WDR54: variants seen among roughly 807,000 people sequenced by gnomAD.
The protein encoded by WDR54 is WD repeat domain 54, also known as WD repeat-containing protein 54.
Under a neutral mutation model 44.1 loss-of-function variants are expected in WDR54, and 44 were observed. The observed-to-expected ratio is 1.00, with a 90% confidence interval of 0.78 to 1.28. WDR54 has a LOEUF of 1.28. Ranked by LOEUF, WDR54 falls within the 50% of genes most tolerant of loss-of-function variation. WDR54 has a pLI of 0.00. For synonymous variants in WDR54, 169 were observed against 169.8 expected (o/e 1.00, Z 0.04); for missense variants, 409 against 429.7 (o/e 0.95, Z 0.43).
In WDR54 at chr2:74,425,464, C is replaced by T. The variant is rs776948739; in HGVS notation, c.846C>T (p.Ser282=). 6.2e-7 allele frequency: 1 copy of T among 1,614,194 alleles called. No homozygotes were observed. The highest frequency in any genetic ancestry group is 1.1e-5 in the South Asian group (1 of 91,086). The change falls in exon 9 of 10, where the codon AGC becomes AGT. Residue 282 remains serine (S), a synonymous_variant. Transcript: ENST00000348227. ...CCTTTGTGCATATCTGGAAGCTGAG[C>T]AGAAACCCAGAGAGTGGCTACATTG... The part of the protein sequence containing the change: ...EDTFVHIWKL[S]RNPESGYIEV...
Position 74,422,379 on chromosome 2 carries a change from A to C in WDR54, c.222+4A>C, listed in dbSNP as rs1670146979. 6.2e-7 allele frequency: 1 copy of C among 1,610,192 alleles called. No homozygotes were observed. The highest frequency in any genetic ancestry group is 8.5e-7 in the Non-Finnish European group (1 of 1,177,280). On this transcript the variant is annotated splice_donor_region_variant and intron_variant, in intron 2 of 9. Coordinates refer to ENST00000348227, the MANE Select transcript of WDR54 (RefSeq NM_032118.4). The stretch of plus-strand genomic sequence containing the variant: ...GAGTCCCCCACTTATCACTCAGGTG[A>C]GGCATGGAGCTGGGAGTGATGTTGC...
rs1259415235 is a variant in WDR54 at position 74,425,570 on chromosome 2, G to C, written c.874G>C (p.Val292Leu). The C allele has an allele frequency of 1.9e-6, 3 of 1,614,240 alleles. No individual in the cohort carries two copies. The highest frequency in any genetic ancestry group is 2.5e-6 in the Non-Finnish European group (3 of 1,180,040). Reference protein sequence around the residue: ...SRNPESGYIEVEHCHGECVAD... With the variant: ...SRNPESGYIELEHCHGECVAD... ...CCTGACGAGCCCTCTGCTCCCCCAG[G>C]TGGAACACTGTCATGGTGAGTGTGT... The change falls in exon 10 of 10, where the codon GTG (valine) becomes CTG (leucine). Residue 292 changes from valine to leucine, a missense_variant and splice_region_variant. Physicochemically the swap from Val to Leu is conservative, Grantham distance 32. Coordinates refer to ENST00000348227, the MANE Select transcript of WDR54 (RefSeq NM_032118.4).
rs1273252081 is a variant in WDR54 at position 74,424,031 on chromosome 2, G to A, written c.534+49G>A. The A allele has an allele frequency of 3.7e-6, 6 of 1,610,184 alleles. No homozygotes were observed. In the South Asian group the frequency reaches 5.5e-5, roughly 15 times the overall value. On this transcript the variant is annotated intron_variant, in intron 6 of 9. Coordinates refer to ENST00000348227, the MANE Select transcript of WDR54 (RefSeq NM_032118.4). ...CTGGGAGCCTTCCCCACCCTGGGAG[G>A]CAGGGGACCTGGCTTTGAGTCTTGG...
In WDR54 at chr2:74,425,504, G is replaced by T. The variant is rs1222073321; in HGVS notation, c.873+13G>T. 6.2e-7 allele frequency: 1 copy of T among 1,614,218 alleles called. No homozygotes were observed. The highest frequency in any genetic ancestry group is 8.5e-7 in the Non-Finnish European group (1 of 1,180,034). On this transcript the variant is annotated intron_variant, in intron 9 of 9. Coordinates refer to ENST00000348227, the MANE Select transcript of WDR54 (RefSeq NM_032118.4). ...TGGCTACATTGAGGTATGTGTCATG[G>T]GGTGGGTGGAATGGGGGGGCCCAAG...
At chr2:74,422,963 C>G in intron 3 of WDR54, 31 bp downstream of exon 3, 1 of 1,611,286 alleles carries the variant, frequency 6.2e-7, no homozygotes, top group Non-Finnish European at 8.5e-7. Context: ...CTTGCCCCAC[C>G]AGAGCCTTCT....
chr2:74,423,551 G>A lies in WDR54; in HGVS notation c.406+20G>A. 6.2e-7 allele frequency: 1 copy of A among 1,613,374 alleles called. No individual in the cohort carries two copies. Among genetic ancestry groups the A allele is most frequent in the East Asian group, 2.2e-5 (1 of 44,874 alleles). On this transcript the variant is annotated intron_variant, in intron 5 of 9. Coordinates refer to ENST00000348227, the MANE Select transcript of WDR54 (RefSeq NM_032118.4). ...GTGTGGGTGAGGGAGCCAAGTGCAGGGCATGGAGGGGTGCTGGGGCATGTG... is the reference window on the plus strand; with the variant it reads ...GTGTGGGTGAGGGAGCCAAGTGCAGAGCATGGAGGGGTGCTGGGGCATGTG...
At chr2:74,425,541 A>G in intron 9 of WDR54, 29 bp from the exon 10 acceptor site, 1 of 1,614,194 alleles carries the variant, frequency 6.2e-7, no homozygotes, top group Non-Finnish European at 8.5e-7. Flanking sequence ...ATGGGGCAGC[A>G]GGCCCTGACG....
chr2:74,422,975 A>T, intron 3 of WDR54, 43 bp downstream of exon 3: 1 of 1,601,706 alleles, frequency 6.2e-7, no homozygotes, highest in Non-Finnish European at 8.6e-7. Flanking sequence ...GAGCCTTCTC[A>T]GCTTCCCTGC....
rs771078332 is a variant in WDR54 at position 74,422,170 on chromosome 2, G to A, written c.17G>A (p.Arg6His). ...CCACACAGGATGTTCCGCTGGGAGC[G>A]CTCCATTCCCCTGCGAGGCTCGGCC... MFRWERSIPLRGSAAA... is the reference protein window; with the variant it reads MFRWEHSIPLRGSAAA... Residue 6 changes from arginine (R) to histidine (H), a missense_variant, in exon 2 of 10, where the codon CGC becomes CAC. Physicochemically the swap from Arg to His is conservative, Grantham distance 29 (BLOSUM62 0). Coordinates refer to ENST00000348227, the MANE Select transcript of WDR54 (RefSeq NM_032118.4). The A allele has an allele frequency of 1.2e-6, 2 of 1,612,754 alleles. No individual in the cohort carries two copies. The highest frequency in any genetic ancestry group is 1.7e-6 in the Non-Finnish European group (2 of 1,179,864).
chr2:74,425,711 C>A lies in WDR54; in HGVS notation c.*10C>A. On this transcript the variant is annotated 3_prime_UTR_variant, in exon 10 of 10. Coordinates refer to ENST00000348227, the MANE Select transcript of WDR54 (RefSeq NM_032118.4). ...ATTCAGCAGTGTGTGAGAAGAGCAG[C>A]CTTCCTTTGTCCCTGTGGTATTCAT... is the stretch of plus-strand genomic sequence containing the variant. 4 of 1,614,110 alleles carry A rather than the reference C, an allele frequency of 2.5e-6. No homozygotes were observed. The highest frequency in any genetic ancestry group is 3.4e-6 in the Non-Finnish European group (4 of 1,180,016).
chr2:74,423,970 T>A lies in WDR54; in HGVS notation c.522T>A (p.Pro174=). 1 of 1,614,092 alleles carries A rather than the reference T, an allele frequency of 6.2e-7. No homozygotes were observed. Among genetic ancestry groups the A allele is most frequent in the Non-Finnish European group, 8.5e-7 (1 of 1,179,996 alleles). ...CAATCACAGACATTGCCACCGAGCCTGCCCAGGGACAGGTGAGTGGACTTC... is the reference window on the plus strand; with the variant it reads ...CAATCACAGACATTGCCACCGAGCCAGCCCAGGGACAGGTGAGTGGACTTC... The part of the protein sequence containing the change: ...QMPITDIATE[P]AQGQDCVADM... Residue 174 remains proline, a synonymous_variant, in exon 6 of 10, where the codon CCT becomes CCA. Coordinates refer to ENST00000348227, the MANE Select transcript of WDR54 (RefSeq NM_032118.4).
Position 74,423,839 on chromosome 2 carries a change from C to G in WDR54, c.407-16C>G. On this transcript the variant is annotated splice_polypyrimidine_tract_variant and intron_variant, in intron 5 of 9. Transcript: ENST00000348227. ...GGGTCAGGAAGTCATCACTGGAGTA[C>G]TGGTTCTGGATACAGGAACGTGGTC... 6.2e-7 allele frequency: 1 copy of G among 1,613,278 alleles called. No individual in the cohort carries two copies. Among genetic ancestry groups the G allele is most frequent in the African/African-American group, 1.3e-5 (1 of 75,012 alleles).
At position 74,424,959 on chromosome 2, in the gene WDR54, C is replaced by G; in HGVS notation, c.619C>G (p.Arg207Gly). ...AGGGCCAGAATTCACATTATTGACC[C>G]GCATTCCAGGATTTGGGTAGGTGAG... The part of the protein sequence containing the change: ...RSGPEFTLLT[R>G]IPGFGVPCPS... The change falls in exon 7 of 10, where the codon CGC becomes GGC. Residue 207 changes from arginine to glycine, a missense_variant. Arg to Gly is a moderately radical substitution (Grantham distance 125). Transcript: ENST00000348227. 6.2e-7 allele frequency: 1 copy of G among 1,614,194 alleles called. No homozygotes were observed. The highest frequency in any genetic ancestry group is 8.5e-7 in the Non-Finnish European group (1 of 1,180,032).
chr2:74,425,263 T>TA, intron 8 of WDR54, 26 bp downstream of exon 8: 1 of 1,537,696 alleles, frequency 6.5e-7, no homozygotes, highest in Non-Finnish European at 8.8e-7. Context: ...TGTACCTACA[T>TA]ACCCTTTTTC....
chr2:74,424,785 A>G (rs1670285677), intron 6 of WDR54, 90 bp from the exon 7 acceptor site: 4 of 1,523,062 alleles, frequency 2.6e-6, no homozygotes, highest in Non-Finnish European at 3.6e-6. Context: ...AGAGGCAAAG[A>G]TGCACACACT....
chr2:74,422,032 G>A, intron 1 of WDR54, 121 bp from the exon 2 acceptor site: 1 of 1,034,660 alleles, frequency 9.7e-7, no homozygotes, highest in Non-Finnish European at 1.4e-6. Flanking sequence ...CGTCCTCTGG[G>A]CACCCCATCC....
intron 6 of WDR54, 83 bp from the exon 7 acceptor site, chr2:74,424,792 C>T: frequency 3.2e-6 from 5 of 1,555,576 alleles, no homozygotes; most frequent in Non-Finnish European, 4.4e-6. Flanking sequence ...AAGATGCACA[C>T]ACTGCCTCCC....
Position 74,422,391 on chromosome 2 carries a change from G to A in WDR54, c.222+16G>A, listed in dbSNP as rs776211055. On this transcript the variant is annotated intron_variant, in intron 2 of 9. Coordinates refer to ENST00000348227, the MANE Select transcript of WDR54 (RefSeq NM_032118.4). Reference sequence around the variant, plus strand: ...TATCACTCAGGTGAGGCATGGAGCTGGGAGTGATGTTGCTGAACCCAGTCC... The same window carrying A: ...TATCACTCAGGTGAGGCATGGAGCTAGGAGTGATGTTGCTGAACCCAGTCC... 6.9e-6 allele frequency: 11 copies of A among 1,605,040 alleles called. No homozygotes were observed. The Admixed American group carries it at 1.3e-4, about 20-fold the overall frequency.
intron 1 of WDR54, 134 bp from the exon 2 acceptor site, chr2:74,422,019 C>T: frequency 2.2e-6 from 2 of 901,890 alleles, no homozygotes; most frequent in Non-Finnish European, 1.7e-6. Context: ...CCTCCCCCAT[C>T]ACCGTCCTCT....
Sources: gnomAD v4.1 joint callset for allele counts on GRCh38, gnomAD v4.1.1 for gene constraint, MANE v1.5 for transcripts, NCBI Gene and HGNC (gene_info 2026-07-23, HGNC 2026-07-21) for gene names.